Variants in ANKRD13A observed in about 807,000 individuals in gnomAD.
The protein encoded by ANKRD13A is ankyrin repeat domain 13A, also known as ankyrin repeat domain-containing protein 13A.
A neutral mutation model predicts 81.3 loss-of-function variants in ANKRD13A; 48 were observed. That is an observed-to-expected ratio of 0.59 (90% CI 0.47 to 0.75). ANKRD13A has a LOEUF of 0.75. Among genes scored for constraint, ANKRD13A ranks in the 30% least tolerant of loss-of-function variants. The pLI, the probability that ANKRD13A is intolerant of heterozygous loss-of-function variation, is 0.00. For missense variants in ANKRD13A, 612 were observed against 734.0 expected, an observed-to-expected ratio of 0.83 and a Z score of 1.92; for synonymous variants, 230 against 270.1, an observed-to-expected ratio of 0.85 and a Z score of 1.45.
chr12:110,014,123 A>C (rs1040190615), intron 3 of ANKRD13A, among the ~76,000 whole-genome samples: 1 of 152,182 alleles, frequency 6.6e-6, no homozygotes, highest in Non-Finnish European at 1.5e-5. Flanking sequence ...ATTATAAATA[A>C]GACAGTCAGC....
chr12:110,028,013 C>T (rs1047711378), intron 9 of ANKRD13A: 21 of 493,722 alleles, frequency 4.3e-5, no homozygotes, highest in Middle Eastern at 5.3e-4. Context: ...CCATTATAAA[C>T]GAGGGGCCTC....
chr12:110,025,192 C>T (rs1486956527), intron 7 of ANKRD13A, among the ~76,000 whole-genome samples: 3 of 152,090 alleles, frequency 2.0e-5, no homozygotes, highest in Non-Finnish European at 4.4e-5. Context: ...CCCGTCTCTA[C>T]TAAAAATACG....
intron 6 of ANKRD13A, 35 bp from the exon 7 acceptor site, chr12:110,024,011 A>G: frequency 6.3e-7 from 1 of 1,592,972 alleles, no homozygotes; most frequent in Non-Finnish European, 8.6e-7. Flanking sequence ...GGCATATTGT[A>G]CATGTAGAAA....
upstream of ANKRD13A, chr12:109,999,291 T>G (rs372521637): frequency 2.0e-5 from 3 of 152,078 alleles, no homozygotes; most frequent in East Asian, 5.9e-4. The surrounding 1 kb of genome is among the most constrained non-coding windows in gnomAD (Gnocchi z 4.3). Context: ...TTCTGTGGGC[T>G]GCACTGAGTT....
chr12:110,001,952 A>G (rs1355969136), intron 1 of ANKRD13A, among the ~76,000 whole-genome samples: 1 of 151,798 alleles, frequency 6.6e-6, no homozygotes, highest in Non-Finnish European at 1.5e-5. Flanking sequence ...AAAAATGACC[A>G]GTTTTGGTTT....
chr12:110,012,526 GA>G (rs1488989368), intron 2 of ANKRD13A, among the ~76,000 whole-genome samples: 1 of 152,202 alleles, frequency 6.6e-6, no homozygotes, highest in Non-Finnish European at 1.5e-5. Context: ...TCCCAGGCCA[GA>G]AACCCTCGGT....
At chr12:110,017,254 C>A (rs908413579) in intron 4 of ANKRD13A, among the ~76,000 whole-genome samples, 1 of 152,136 alleles carries the variant, frequency 6.6e-6, no homozygotes, top group Admixed American at 6.5e-5. Context: ...AGTAGATTTA[C>A]CATAATTTAC....
rs1892152228 is a variant in ANKRD13A at position 110,037,742 on chromosome 12, A to G, written c.*188A>G. 2 of 536,732 alleles carry G rather than the reference A, an allele frequency of 3.7e-6. No individual in the cohort carries two copies. Among genetic ancestry groups the G allele is most frequent in the Non-Finnish European group, 6.5e-6 (2 of 308,618 alleles). 33.2% of individuals were successfully genotyped at this position (536,732 alleles called of 1,614,324 possible). A position where few individuals can be genotyped will look rare whatever the true frequency, so the allele number is the denominator to read the frequency against. Reference sequence around the variant, plus strand: ...CCATCCAGGCTGCTCCCTGGGGTGGAGAAGGGACCAGGGATTGCAGGCCCC... The same window carrying G: ...CCATCCAGGCTGCTCCCTGGGGTGGGGAAGGGACCAGGGATTGCAGGCCCC... On this transcript the variant is annotated 3_prime_UTR_variant, in exon 15 of 15. Transcript: ENST00000261739.
chr12:110,028,393 G>A lies in ANKRD13A; in HGVS notation c.946-119G>A, dbSNP rs1326892222. The A allele has an allele frequency of 4.1e-6, 5 of 1,213,598 alleles. No individual in the cohort carries two copies. The African/African-American group carries it at 7.6e-5, about 18-fold the overall frequency. 75.2% of individuals were successfully genotyped at this position (1,213,598 alleles called of 1,614,324 possible). ...TCTTGTTCCATGCAAAAAAGTTAGT[G>A]AATAGAACTTCCCGGTCTTTAGCTG... On this transcript the variant is annotated intron_variant, in intron 9 of 14. Coordinates refer to ENST00000261739, the MANE Select transcript of ANKRD13A (RefSeq NM_033121.2).
chr12:110,009,168 G>A (rs1890383545), intron 1 of ANKRD13A, among the ~76,000 whole-genome samples: 1 of 151,986 alleles, frequency 6.6e-6, no homozygotes. Flanking sequence ...CACAACCTCC[G>A]CCTTCCGGGT....
At chr12:110,013,018 C>A in intron 2 of ANKRD13A, 107 bp from the exon 3 acceptor site, 1 of 1,265,130 alleles carries the variant, frequency 7.9e-7, no homozygotes, top group East Asian at 2.5e-5. Flanking sequence ...GACTGCAGCC[C>A]TTTTCTTCTG....
chr12:110,027,808 G>T (rs760366129), intron 9 of ANKRD13A, 42 bp downstream of exon 9: 1 of 1,598,668 alleles, frequency 6.3e-7, no homozygotes, highest in Non-Finnish European at 8.6e-7. Flanking sequence ...TAGATGAAAG[G>T]AAACAACTTG....
intron 1 of ANKRD13A, among the ~76,000 whole-genome samples, chr12:110,005,924 C>A (rs1190579531): frequency 1.3e-5 from 2 of 152,098 alleles, no homozygotes; most frequent in African/African-American, 4.8e-5. Context: ...TTAAGCGATT[C>A]TCCTGTCTCA....
intron 6 of ANKRD13A, 143 bp downstream of exon 6, chr12:110,019,471 T>G: frequency 1.4e-6 from 1 of 732,762 alleles, no homozygotes; most frequent in Non-Finnish European, 2.0e-6. Flanking sequence ...AAGATTGATC[T>G]CTAACCAGTA....
intron 13 of ANKRD13A, among the ~76,000 whole-genome samples, chr12:110,035,613 C>A (rs549172528): frequency 1.3e-5 from 2 of 152,172 alleles, no homozygotes; most frequent in African/African-American, 4.8e-5. Flanking sequence ...CCAGACCCAG[C>A]TAGTTTTTGT....
At chr12:110,015,948 T>G (rs1407798847) in intron 3 of ANKRD13A, among the ~76,000 whole-genome samples, 2 of 150,298 alleles carry the variant, frequency 1.3e-5, no homozygotes, top group Non-Finnish European at 2.9e-5. Flanking sequence ...ACTTGTTTTT[T>G]CTTTCTTTTT....
At position 110,016,412 on chromosome 12, in the gene ANKRD13A, A is replaced by G; in HGVS notation, c.379A>G (p.Lys127Glu). 2.5e-6 allele frequency: 4 copies of G among 1,594,394 alleles called. No individual in the cohort carries two copies. The highest frequency in any genetic ancestry group is 3.4e-6 in the Non-Finnish European group (4 of 1,166,420). ...GGCTCCGGATTTCTATGTGCAGATG[A>G]AATGGGAATTCACCAGCTGGGGTGA... ...LEAPDFYVQM[K>E]WEFTSWVPLV... is the part of the protein sequence containing the mutation. The change falls in exon 4 of 15, where the codon AAA (lysine) becomes GAA (glutamate). Residue 127 changes from lysine (K) to glutamate (E), a missense_variant. Lys to Glu is a moderately conservative substitution (Grantham distance 56). Coordinates refer to ENST00000261739, the MANE Select transcript of ANKRD13A (RefSeq NM_033121.2).
In ANKRD13A at chr12:110,037,716, C is replaced by T; in HGVS notation, c.*162C>T. ...AGGTGCAGAACCAGGGACTCCTGGG[C>T]CCATCCAGGCTGCTCCCTGGGGTGG... On this transcript the variant is annotated 3_prime_UTR_variant, in exon 15 of 15. Coordinates refer to ENST00000261739, the MANE Select transcript of ANKRD13A (RefSeq NM_033121.2). The T allele has an allele frequency of 1.5e-6, 1 of 665,486 alleles. No individual in the cohort carries two copies. The highest frequency in any genetic ancestry group is 2.4e-6 in the Non-Finnish European group (1 of 410,376). 41.2% of individuals were successfully genotyped at this position (665,486 alleles called of 1,614,324 possible). A position where few individuals can be genotyped will look rare whatever the true frequency, so the allele number is the denominator to read the frequency against.
chr12:110,037,414 A>G lies in ANKRD13A; in HGVS notation c.1633A>G (p.Ser545Gly), dbSNP rs774895845. 8 of 1,614,184 alleles carry G rather than the reference A, an allele frequency of 5.0e-6. No individual in the cohort carries two copies. Among genetic ancestry groups the G allele is most frequent in the Non-Finnish European group, 6.8e-6 (8 of 1,180,036 alleles). ...AGAAGGCCTGTGCCCCAGCGCCCTGAGCGAGACAAGCCGTTTTGATAATGA... is the reference window on the plus strand; with the variant it reads ...AGAAGGCCTGTGCCCCAGCGCCCTGGGCGAGACAAGCCGTTTTGATAATGA... The part of the protein sequence containing the change: ...STEGLCPSAL[S>G]ETSRFDNDLQ... The change falls in exon 15 of 15, where the codon AGC (serine) becomes GGC (glycine). Residue 545 changes from serine to glycine, a missense_variant. Physicochemically the swap from Ser to Gly is moderately conservative, Grantham distance 56. Transcript: ENST00000261739.
Sources: allele counts gnomAD v4.1 joint callset (sites outside exome capture counted in the v4.1 genomes callset), GRCh38; gene constraint gnomAD v4.1.1; non-coding constraint Gnocchi (gnomAD v3.1); transcripts MANE v1.5; gene names NCBI Gene and HGNC (gene_info 2026-07-23, HGNC 2026-07-21).